Variants in SHC4 observed in about 807,000 individuals in gnomAD.
The protein encoded by SHC4 is SHC-transforming protein 4.
Under a neutral mutation model 69.4 loss-of-function variants are expected in SHC4, and 41 were observed. That is an observed-to-expected ratio of 0.59 (90% confidence interval 0.46 to 0.77). The LOEUF is 0.77. SHC4 is among the 30% of genes least tolerant of loss of function. The pLI is 0.00. For synonymous variants in SHC4, 318 were observed against 299.3 expected (o/e 1.06, Z -0.64); for missense variants, 777 against 783.8 (o/e 0.99, Z 0.10).
intron 5 of SHC4, among the ~76,000 whole-genome samples, chr15:48,871,516 T>C (rs1382027180): frequency 1.3e-5 from 2 of 152,224 alleles, no homozygotes; most frequent in Non-Finnish European, 2.9e-5. Flanking sequence ...TTCTGCAGAG[T>C]AGGCTTGGAG....
At chr15:48,891,989 G>GGAC (rs1368316847) in intron 2 of SHC4, among the ~76,000 whole-genome samples, 1 of 152,036 alleles carries the variant, frequency 6.6e-6, no homozygotes, top group Non-Finnish European at 1.5e-5. Flanking sequence ...CGAGTAGCTG[G>GGAC]GACAACAGGC....
intron 1 of SHC4, among the ~76,000 whole-genome samples, chr15:48,961,626 C>CT (rs1566842958): frequency 6.6e-6 from 1 of 152,210 alleles, no homozygotes; most frequent in Non-Finnish European, 1.5e-5. Context: ...ATAATCTTTC[C>CT]TTTTTTCTGA....
At chr15:48,913,168 T>C (rs1464114073) in intron 2 of SHC4, among the ~76,000 whole-genome samples, 2 of 150,902 alleles carry the variant, frequency 1.3e-5, no homozygotes, top group Non-Finnish European at 3.0e-5. Context: ...CAAGATTATA[T>C]GCCCTTTGTC....
At chr15:48,896,495 ATTT>A (rs1239170922) in intron 2 of SHC4, among the ~76,000 whole-genome samples, 1 of 151,822 alleles carries the variant, frequency 6.6e-6, no homozygotes, top group Non-Finnish European at 1.5e-5. Context: ...TAATTTTTGT[ATTT>A]TTAGTAGAGA....
chr15:48,963,201 G>C lies in SHC4; in HGVS notation c.-186C>G, dbSNP rs945772271. On this transcript the variant is annotated 5_prime_UTR_variant, in exon 1 of 12. Transcript: ENST00000332408. ...AAGGGTGACAGCCCATGGGGGAAAC[G>C]CCTCCCCTGCTCTGATTTCAGTCTC... 1 of 595,694 alleles carries C rather than the reference G, an allele frequency of 1.7e-6. No homozygotes were observed. Among genetic ancestry groups the C allele is most frequent in the East Asian group, 2.9e-5 (1 of 34,508 alleles). The allele number at this position is 595,694 out of a possible 1,614,324, so 36.9% of individuals were successfully genotyped here. A position where few individuals can be genotyped will look rare whatever the true frequency, so the allele number is the denominator to read the frequency against.
chr15:48,825,097 T>C lies in SHC4; in HGVS notation c.*874A>G, dbSNP rs546203631. 4 of 152,506 alleles carry C rather than the reference T, an allele frequency of 2.6e-5. No homozygotes were observed. The highest frequency in any genetic ancestry group is 3.8e-4 in the East Asian group (2 of 5,196). 9.4% of individuals were successfully genotyped at this position (152,506 alleles called of 1,614,324 possible). ...ATGAAACCAATTTGAATAGTAAATA[T>C]GAAGAATACTGGTTTTGTTTGCCCT... On this transcript the variant is annotated 3_prime_UTR_variant, in exon 12 of 12. Coordinates refer to ENST00000332408, the MANE Select transcript of SHC4 (RefSeq NM_203349.4).
intron 2 of SHC4, among the ~76,000 whole-genome samples, chr15:48,899,599 ACT>A (rs1384584992): frequency 6.6e-6 from 1 of 151,966 alleles, no homozygotes; most frequent in Non-Finnish European, 1.5e-5. Flanking sequence ...TTTTTAAATA[ACT>A]CTGGTTCTTT....
At chr15:48,884,501 T>C in intron 3 of SHC4, 134 bp from the exon 4 acceptor site, 1 of 710,238 alleles carries the variant, frequency 1.4e-6, no homozygotes, top group East Asian at 3.3e-5. Context: ...GTAAATCAAA[T>C]GAAAGGGAAT....
chr15:48,942,286 G>T (rs185499994), intron 1 of SHC4, among the ~76,000 whole-genome samples: 60 of 152,182 alleles, frequency 3.9e-4, no homozygotes, highest in East Asian at 9.7e-4. Context: ...AGATCACCCC[G>T]CAGTACAAAG....
intron 4 of SHC4, among the ~76,000 whole-genome samples, chr15:48,880,618 G>T (rs1398689780): frequency 6.6e-6 from 1 of 152,022 alleles, no homozygotes; most frequent in African/African-American, 2.4e-5. Context: ...AGGTGGGGGT[G>T]GGAAACACTA....
At chr15:48,843,370 G>A (rs1176109068) in intron 10 of SHC4, 39 bp downstream of exon 10, 1 of 1,540,044 alleles carries the variant, frequency 6.5e-7, no homozygotes, top group South Asian at 1.2e-5. Flanking sequence ...TGTTAAAACA[G>A]CCCTAAGAAA....
intron 1 of SHC4, among the ~76,000 whole-genome samples, chr15:48,945,373 C>T (rs1901256856): frequency 6.6e-6 from 1 of 150,858 alleles, no homozygotes; most frequent in African/African-American, 2.4e-5. Flanking sequence ...TCTGGGTGTA[C>T]ACCCAAGAAA....
chr15:48,937,614 A>AGAT (rs1036129927), intron 1 of SHC4, among the ~76,000 whole-genome samples: 4 of 152,130 alleles, frequency 2.6e-5, no homozygotes, highest in African/African-American at 9.7e-5. Context: ...ATAGATAGAT[A>AGAT]GATAGATAGA....
chr15:48,833,327 GAT>G (rs1474887938), intron 11 of SHC4, among the ~76,000 whole-genome samples: 1 of 152,152 alleles, frequency 6.6e-6, no homozygotes, highest in Non-Finnish European at 1.5e-5. Flanking sequence ...TGCTCCTTCT[GAT>G]GTCTGTGGCA....
At chr15:48,846,357 G>A (rs1899092802) in intron 9 of SHC4, among the ~76,000 whole-genome samples, 1 of 152,152 alleles carries the variant, frequency 6.6e-6, no homozygotes, top group Non-Finnish European at 1.5e-5. Context: ...TGAGCATAGT[G>A]CCTGCCTTAT....
intron 2 of SHC4, 134 bp downstream of exon 2, chr15:48,924,745 C>T (rs573617910): frequency 1.3e-5 from 11 of 842,456 alleles, no homozygotes; most frequent in Admixed American, 1.1e-4. Flanking sequence ...GGTCACTGGG[C>T]GAGCCTTCTA....
chr15:48,898,695 A>C (rs1478954449), intron 2 of SHC4, among the ~76,000 whole-genome samples: 1 of 152,176 alleles, frequency 6.6e-6, no homozygotes, highest in Non-Finnish European at 1.5e-5. Flanking sequence ...CATCTCCCCT[A>C]TAACTCTCAC....
At chr15:48,864,033 A>G (rs1032867948) in intron 6 of SHC4, among the ~76,000 whole-genome samples, 2 of 152,208 alleles carry the variant, frequency 1.3e-5, no homozygotes, top group East Asian at 1.9e-4. Context: ...CATGCAATAA[A>G]TGGTAGCCAT....
chr15:48,884,764 T>C (rs911984066), intron 3 of SHC4, among the ~76,000 whole-genome samples: 2 of 152,210 alleles, frequency 1.3e-5, no homozygotes, highest in African/African-American at 4.8e-5. Flanking sequence ...AAGGCATTGA[T>C]GAACTCTCCA....
Sources: gnomAD v4.1 joint callset for allele counts (sites outside exome capture counted in the v4.1 genomes callset) on GRCh38, gnomAD v4.1.1 for gene constraint, MANE v1.5 for transcripts, NCBI Gene and HGNC (gene_info 2026-07-23, HGNC 2026-07-21) for gene names.